The following MICALL2 variants were observed in gnomAD, a reference collection of about 807,000 sequenced individuals.
The protein encoded by MICALL2 is MICAL like 2.
MICALL2 carries 111 observed loss-of-function variants against 91.1 expected under a neutral mutation model. The observed-to-expected ratio is 1.22, with a 90% CI of 1.04 to 1.43. The LOEUF is 1.43. MICALL2 is among the 40% of genes most tolerant of loss of function. MICALL2 has a pLI of 0.00. For synonymous variants in MICALL2, 694 were observed against 525.3 expected, an observed-to-expected ratio of 1.32 and a Z score of -4.39; for missense variants, 1,556 against 1,236.0, an observed-to-expected ratio of 1.26 and a Z score of -3.88.
chr7:1,447,876 G>A, intron 3 of MICALL2, 111 bp from the exon 4 acceptor site: 5 of 837,920 alleles, frequency 6.0e-6, no homozygotes, highest in Non-Finnish European at 8.6e-6. Context: ...GGGGGGACCT[G>A]GGGGCCCAGG....
In MICALL2 at chr7:1,437,379, G is replaced by GTACCTTGGCTGAGGACACACAGCCAGGAA. The variant is rs1562445864; in HGVS notation, c.2476+155_2476+156insTTCCTGGCTGTGTGTCCTCAGCCAAGGTA. The stretch of plus-strand genomic sequence containing the variant: ...CTTGGCTGAGGACACACAGCCAGGA[G>GTACCTTGGCTGAGGACACACAGCCAGGAA]GTGGGAGATTTGAAACTCAAACGTG... On this transcript the variant is annotated intron_variant, in intron 14 of 16. Transcript: ENST00000297508. 26 of 573,902 alleles carry GTACCTTGGCTGAGGACACACAGCCAGGAA rather than the reference G, an allele frequency of 4.5e-5. No individual in the cohort carries two copies. In the African/African-American group the frequency reaches 5.0e-4, roughly 11 times the overall value. The allele number at this position is 573,902 out of a possible 1,614,324, so 35.6% of individuals were successfully genotyped here.
intron 16 of MICALL2, 122 bp downstream of exon 16, chr7:1,434,979 A>AG: frequency 6.4e-6 from 4 of 628,200 alleles, no homozygotes; most frequent in Admixed American, 2.3e-5. Flanking sequence ...GGGGGACCCG[A>AG]TACCCGCCCC....
intron 7 of MICALL2, chr7:1,441,908 AGCGGGAC>A: frequency 2.0e-6 from 1 of 494,042 alleles, no homozygotes; most frequent in Non-Finnish European, 3.6e-6. Flanking sequence ...GACCGAGCTG[AGCGGGAC>A]GCTGCAGGGC....
At position 1,446,702 on chromosome 7, in the gene MICALL2, G is replaced by T. The variant is rs767546870; in HGVS notation, c.641+11C>A. ...TGCACACTCAGGCGTGCGGGCAGAG[G>T]GCAGCCCCACCTGAAGCAGCTCCGG... On this transcript the variant is annotated intron_variant, in intron 5 of 16. Coordinates refer to ENST00000297508, the MANE Select transcript of MICALL2 (RefSeq NM_182924.4). 5.1e-6 allele frequency: 8 copies of T among 1,570,594 alleles called. No individual in the cohort carries two copies. The highest frequency in any genetic ancestry group is 4.3e-4 in the Middle Eastern group (2 of 4,664).
intron 1 of MICALL2, among the ~76,000 whole-genome samples, chr7:1,454,533 A>G (rs1410586137): frequency 6.6e-6 from 1 of 152,144 alleles, no homozygotes; most frequent in Non-Finnish European, 1.5e-5. Context: ...CTCTGGAAGG[A>G]AAGTGTGGGG....
rs1219920321 is a variant in MICALL2, at chr7:1,439,007, TGGGG to T, written c.1967-16_1967-13del. The T allele has an allele frequency of 4.4e-6, 7 of 1,584,864 alleles. No homozygotes were observed. The highest frequency in any genetic ancestry group is 1.3e-5 in the African/African-American group (1 of 74,572). Reference sequence around the variant, plus strand: ...GGAGGGGGACCTGGCTGCCCCCAGGTGGGGAGACAGAGCCACGCTTCAGAGCAGG... The same window carrying T: ...GGAGGGGGACCTGGCTGCCCCCAGGTAGACAGAGCCACGCTTCAGAGCAGG... On this transcript the variant is annotated splice_polypyrimidine_tract_variant and intron_variant, in intron 9 of 16. Transcript: ENST00000297508.
intron 1 of MICALL2, among the ~76,000 whole-genome samples, chr7:1,458,250 C>T (rs905670199): frequency 6.6e-6 from 1 of 152,222 alleles, no homozygotes. Flanking sequence ...CTCTTAGCCT[C>T]GGTTCTCTGG....
rs1021368628 is a variant in MICALL2 at position 1,437,427 on chromosome 7, G to T, written c.2476+108C>A. Reference sequence around the variant, plus strand: ...GTGGGCTCGCCTGGCTCCAGGGAAGGTCTCACCACCAGGACAGTCAGGTGG... The same window carrying T: ...GTGGGCTCGCCTGGCTCCAGGGAAGTTCTCACCACCAGGACAGTCAGGTGG... On this transcript the variant is annotated intron_variant, in intron 14 of 16. Transcript: ENST00000297508. 4.1e-6 allele frequency: 4 copies of T among 976,844 alleles called. No individual in the cohort carries two copies. The African/African-American group carries it at 7.1e-5, about 17-fold the overall frequency. 60.5% of individuals were successfully genotyped at this position (976,844 alleles called of 1,614,324 possible). A position where few individuals can be genotyped will look rare whatever the true frequency, so the allele number is the denominator to read the frequency against.
intron 7 of MICALL2, chr7:1,441,916 G>A (rs936791599): frequency 9.3e-5 from 47 of 506,350 alleles, no homozygotes; most frequent in Middle Eastern, 1.1e-3. Flanking sequence ...TGAGCGGGAC[G>A]CTGCAGGGCT....
chr7:1,437,323 G>A (rs947203062), intron 14 of MICALL2: 3 of 500,702 alleles, frequency 6.0e-6, no homozygotes, highest in South Asian at 2.7e-5. Context: ...CTTTGCAGAG[G>A]ATGAAACCCA....
chr7:1,449,225 C>T (rs915684444), intron 2 of MICALL2, among the ~76,000 whole-genome samples: 8 of 152,376 alleles, frequency 5.3e-5, no homozygotes, highest in Admixed American at 5.2e-4. Context: ...CCACGCCGTC[C>T]AGCCCAGCAG....
At chr7:1,455,032 C>T (rs1029403197) in intron 1 of MICALL2, among the ~76,000 whole-genome samples, 8 of 152,184 alleles carry the variant, frequency 5.3e-5, no homozygotes, top group East Asian at 1.9e-4. Context: ...GCCACAAATC[C>T]GACAAATGCC....
At chr7:1,448,850 T>C (rs1430424062) in intron 2 of MICALL2, 89 bp from the exon 3 acceptor site, 3 of 1,514,654 alleles carry the variant, frequency 2.0e-6, no homozygotes, top group Admixed American at 1.8e-5. Context: ...AAAGACACAG[T>C]CTTGGAGCCC....
rs141525156 is a variant in MICALL2, at chr7:1,442,355, C to T, written c.1548G>A (p.Pro516=). Residue 516 remains proline, a synonymous_variant, in exon 7 of 17, where the codon CCG becomes CCA. Coordinates refer to ENST00000297508, the MANE Select transcript of MICALL2 (RefSeq NM_182924.4). ...TACTGCTCGTGCTCAGCGGGGCTGGCGGTTCCATCCTCGAAGGGAGGCCAA... is the reference window on the plus strand; with the variant it reads ...TACTGCTCGTGCTCAGCGGGGCTGGTGGTTCCATCCTCGAAGGGAGGCCAA... ...RVLGLPSRME[P]PAPLSTSSTS... 6.8e-5 allele frequency: 110 copies of T among 1,612,150 alleles called. No individual in the cohort carries two copies. The Admixed American group carries it at 1.0e-3, about 15-fold the overall frequency.
At chr7:1,440,498 G>C (rs1780228792) in intron 8 of MICALL2, 93 bp downstream of exon 8, 1 of 1,141,968 alleles carries the variant, frequency 8.8e-7, no homozygotes. Flanking sequence ...TCTATCCCTG[G>C]ATAGGCGTGT....
At chr7:1,438,668 G>T (rs374635385) in intron 10 of MICALL2, 172 bp downstream of exon 10, 2 of 1,440,684 alleles carry the variant, frequency 1.4e-6, no homozygotes, top group Non-Finnish European at 1.8e-6. Flanking sequence ...AACAGCTAGG[G>T]TCTCTATTCA....
chr7:1,448,017 G>A lies in MICALL2; in HGVS notation c.335-252C>T, dbSNP rs192768804. The A allele has an allele frequency of 2.3e-3, 636 of 273,958 alleles. 18 individuals carry two copies. In the Admixed American group the frequency reaches 0.028, roughly 12 times the overall value. The allele number at this position is 273,958 out of a possible 1,614,324, so 17.0% of individuals were successfully genotyped here. A position where few individuals can be genotyped will look rare whatever the true frequency, so the allele number is the denominator to read the frequency against. Reference sequence around the variant, plus strand: ...ACTTTTCTGTTTCTCCAGCAGGCAGGGCAGGCCCTGTGCCCGGAATGGTTC... The same window carrying A: ...ACTTTTCTGTTTCTCCAGCAGGCAGAGCAGGCCCTGTGCCCGGAATGGTTC... On this transcript the variant is annotated intron_variant, in intron 3 of 16. Coordinates refer to ENST00000297508, the MANE Select transcript of MICALL2 (RefSeq NM_182924.4).
rs765388108 is a variant in MICALL2, at chr7:1,438,103, C to T, written c.2305G>A (p.Glu769Lys). 32 of 1,566,290 alleles carry T rather than the reference C, an allele frequency of 2.0e-5. 1 individual carries two copies. The highest frequency in any genetic ancestry group is 1.7e-4 in the Admixed American group (9 of 52,948). The change falls in exon 12 of 17, where the codon GAG (glutamate) becomes AAG (lysine). Residue 769 changes from glutamate (E) to lysine (K), a missense_variant. Glu to Lys is a moderately conservative substitution (Grantham distance 56). Coordinates refer to ENST00000297508, the MANE Select transcript of MICALL2 (RefSeq NM_182924.4). ...GCCAGGCCGAGGCGCTCACCTCCCT[C>T]GGCCGCCCGCAGTCGCTTCTCCAGC... is the stretch of plus-strand genomic sequence containing the variant. ...VELEKRLRAA[E>K]GDDAEDSLMV...
intron 2 of MICALL2, 143 bp downstream of exon 2, chr7:1,450,097 G>A (rs1244290241): frequency 1.4e-6 from 1 of 693,620 alleles, no homozygotes; most frequent in African/African-American, 1.8e-5. Flanking sequence ...CGCGTTGCCG[G>A]GCTGGTCAGG....
Sources: gnomAD v4.1 joint callset for allele counts (sites outside exome capture counted in the v4.1 genomes callset) on GRCh38, gnomAD v4.1.1 for gene constraint, MANE v1.5 for transcripts, NCBI Gene and HGNC (gene_info 2026-07-23, HGNC 2026-07-21) for gene names.